GLDC: variants seen among roughly 807,000 people sequenced by gnomAD.
GLDC encodes the protein glycine dehydrogenase (decarboxylating), mitochondrial.
Under a neutral mutation model 121.3 loss-of-function variants are expected in GLDC, and 104 were observed. The observed-to-expected ratio is 0.86, with a 90% CI of 0.73 to 1.01. GLDC has a LOEUF of 1.01. Among genes scored for constraint, GLDC ranks in the 50% least tolerant of loss-of-function variants. The pLI, the probability that GLDC is intolerant of heterozygous loss-of-function variation, is 0.00. For synonymous variants in GLDC, 546 were observed against 480.6 expected, an observed-to-expected ratio of 1.14 and a Z score of -1.78; for missense variants, 1,429 against 1,306.6, an observed-to-expected ratio of 1.09 and a Z score of -1.44.
At chr9:6,563,641 G>T (rs967504890) in intron 16 of GLDC, among the ~76,000 whole-genome samples, 23 of 152,198 alleles carry the variant, frequency 1.5e-4, no homozygotes, top group African/African-American at 5.1e-4. Context: ...CAGGTCCCAA[G>T]AGCAATTATA....
chr9:6,581,464 C>T (rs1054282872), intron 15 of GLDC, among the ~76,000 whole-genome samples: 2 of 152,180 alleles, frequency 1.3e-5, no homozygotes, highest in Non-Finnish European at 2.9e-5. Flanking sequence ...TTTTGGGAAA[C>T]CCCAAATAAG....
At chr9:6,556,099 T>C (rs1421998694) in intron 18 of GLDC, 54 bp downstream of exon 18, 67 of 1,495,932 alleles carry the variant, frequency 4.5e-5, no homozygotes, top group Admixed American at 8.6e-5. Context: ...TTTTTTTTTT[T>C]CCACATATCC....
intron 21 of GLDC, among the ~76,000 whole-genome samples, chr9:6,543,286 A>C (rs1817309454): frequency 6.6e-6 from 1 of 152,136 alleles, no homozygotes; most frequent in East Asian, 1.9e-4. Flanking sequence ...AACAAAACAA[A>C]ATGCCCTGAT....
In GLDC at chr9:6,556,281, G is replaced by C. The variant is rs1171271917; in HGVS notation, c.2074C>G (p.Leu692Val). 5.0e-6 allele frequency: 8 copies of C among 1,613,588 alleles called. No individual in the cohort carries two copies. The highest frequency in any genetic ancestry group is 1.3e-5 in the African/African-American group (1 of 75,028). ...GGGTATGTAATCATGATAGCTGCTA[G>C]GTTCTCCTTGTGCTTATCCACCTGT... ...KAMVDKHKEN[L>V]AAIMITYPST... is the part of the protein sequence containing the mutation. The change falls in exon 18 of 25, where the codon CTA becomes GTA. Residue 692 changes from leucine to valine, a missense_variant. Leu to Val is a conservative substitution (Grantham distance 32). Transcript: ENST00000321612.
Position 6,536,045 on chromosome 9 carries a change from T to C in GLDC, c.2838+19A>G, listed in dbSNP as rs928868906. On this transcript the variant is annotated intron_variant, in intron 23 of 24. Transcript: ENST00000321612. ...CTAGTTTAAGGAACATTTCAAGCAATGTTCCAGGGCCTACGCACCTTCAGC... is the reference window on the plus strand; with the variant it reads ...CTAGTTTAAGGAACATTTCAAGCAACGTTCCAGGGCCTACGCACCTTCAGC... 6.2e-7 allele frequency: 1 copy of C among 1,605,656 alleles called. No individual in the cohort carries two copies. Among genetic ancestry groups the C allele is most frequent in the Non-Finnish European group, 8.5e-7 (1 of 1,173,420 alleles).
chr9:6,565,755 T>G (rs991624495), intron 15 of GLDC: 1 of 556,108 alleles, frequency 1.8e-6, no homozygotes, highest in Non-Finnish European at 3.2e-6. Flanking sequence ...CAAAATACAG[T>G]GAAGAACAAA....
intron 16 of GLDC, 100 bp from the exon 17 acceptor site, chr9:6,558,784 C>A: frequency 8.0e-7 from 1 of 1,242,690 alleles, no homozygotes; most frequent in East Asian, 2.3e-5. Context: ...AAATTAGACA[C>A]CACCTGTTTT....
At position 6,532,944 on chromosome 9, in the gene GLDC, T is replaced by C. The variant is rs1418703178; in HGVS notation, c.*73A>G. On this transcript the variant is annotated 3_prime_UTR_variant, in exon 25 of 25. Coordinates refer to ENST00000321612, the MANE Select transcript of GLDC (RefSeq NM_000170.3). The stretch of plus-strand genomic sequence containing the variant: ...TCCTACTTGAGGCTGGGGTGGGAGA[T>C]GAAATCTTTCTTGCTTATCAAATGC... 9 of 1,085,614 alleles carry C rather than the reference T, an allele frequency of 8.3e-6. No homozygotes were observed. The African/African-American group carries it at 1.4e-4, about 17-fold the overall frequency. 67.2% of individuals were successfully genotyped at this position (1,085,614 alleles called of 1,614,324 possible).
intron 2 of GLDC, among the ~76,000 whole-genome samples, chr9:6,628,666 G>A (rs12001793): frequency 0.17 from 26,234 of 152,084 alleles, 2,484 homozygotes; most frequent in East Asian, 0.37. Flanking sequence ...GCTTGAGCCT[G>A]GGAGGTGGAG....
intron 2 of GLDC, among the ~76,000 whole-genome samples, chr9:6,642,548 A>G (rs1187922718): frequency 6.6e-6 from 1 of 152,166 alleles, no homozygotes; most frequent in Non-Finnish European, 1.5e-5. Context: ...AAAATAAAAA[A>G]TAAAAAAATT....
chr9:6,559,971 A>G lies in GLDC; in HGVS notation c.1927-1287T>C, dbSNP rs540053778. ...ATGTAGCTTCAGGTTAAGGAAATCA[A>G]GGCAAAGTGCCTCAAGAGCTGAGCC... On this transcript the variant is annotated intron_variant, in intron 16 of 24. Transcript: ENST00000321612. Among the ~76,000 whole-genome samples the G allele has an allele frequency of 2.0e-5, 3 of 152,342 alleles. No individual in the cohort carries two copies. In the South Asian group the frequency reaches 6.2e-4, roughly 32 times the overall value.
At chr9:6,571,084 C>T (rs1022728609) in intron 15 of GLDC, among the ~76,000 whole-genome samples, 7 of 151,862 alleles carry the variant, frequency 4.6e-5, no homozygotes, top group Non-Finnish European at 8.8e-5. Context: ...ATCATCCTCC[C>T]CCAAAATAAT....
chr9:6,583,728 C>T (rs966902751), intron 15 of GLDC, among the ~76,000 whole-genome samples: 1 of 152,088 alleles, frequency 6.6e-6, no homozygotes, highest in Non-Finnish European at 1.5e-5. Flanking sequence ...ATTGATGAAC[C>T]TTGAAGACAT....
At chr9:6,589,008 C>A (rs1818323525) in intron 12 of GLDC, among the ~76,000 whole-genome samples, 187 bp downstream of exon 12, 1 of 152,146 alleles carries the variant, frequency 6.6e-6, no homozygotes, top group African/African-American at 2.4e-5. Context: ...GGGAGCAGAG[C>A]CACCAGGAAA....
At chr9:6,614,810 G>T (rs1818935808) in intron 3 of GLDC, among the ~76,000 whole-genome samples, 1 of 152,162 alleles carries the variant, frequency 6.6e-6, no homozygotes, top group Admixed American at 6.5e-5. Flanking sequence ...CGTGTACTTA[G>T]AAGGTATAGC....
chr9:6,569,835 G>A (rs555607079), intron 15 of GLDC, among the ~76,000 whole-genome samples: 1 of 152,202 alleles, frequency 6.6e-6, no homozygotes, highest in East Asian at 1.9e-4. Context: ...AATTAGCCAG[G>A]TGTGGTGGTG....
intron 4 of GLDC, among the ~76,000 whole-genome samples, chr9:6,609,629 C>T (rs2129914252): frequency 6.6e-6 from 1 of 152,132 alleles, no homozygotes; most frequent in East Asian, 1.9e-4. Context: ...CACCCCCACC[C>T]CCAGCCACAT....
At chr9:6,619,584 C>T (rs1289552560) in intron 3 of GLDC, among the ~76,000 whole-genome samples, 4 of 151,990 alleles carry the variant, frequency 2.6e-5, no homozygotes, top group Admixed American at 1.3e-4. Context: ...AAAAATTAGC[C>T]GGGGGTGGTT....
intron 21 of GLDC, among the ~76,000 whole-genome samples, chr9:6,543,856 G>A (rs1189224778): frequency 6.6e-6 from 1 of 151,894 alleles, no homozygotes; most frequent in African/African-American, 2.4e-5. Context: ...GACTACAGCT[G>A]AGAAGGTACC....
Sources: allele counts gnomAD v4.1 joint callset (sites outside exome capture counted in the v4.1 genomes callset), GRCh38; gene constraint gnomAD v4.1.1; transcripts MANE v1.5; gene names NCBI Gene and HGNC (gene_info 2026-07-23, HGNC 2026-07-21).